The following KIAA0825 variants were observed in gnomAD, a reference collection of about 807,000 sequenced individuals.
KIAA0825 encodes KIAA0825.
Under a neutral mutation model 147.6 loss-of-function variants are expected in KIAA0825, and 119 were observed. That is an observed-to-expected ratio of 0.81 (90% CI 0.69 to 0.94). The LOEUF (loss-of-function observed/expected upper bound fraction) is 0.94. KIAA0825 is among the 40% of genes least tolerant of loss of function. The pLI is 0.00. For synonymous variants in KIAA0825, 470 were observed against 518.1 expected, an observed-to-expected ratio of 0.91 and a Z score of 1.26; for missense variants, 1,381 against 1,472.7, an observed-to-expected ratio of 0.94 and a Z score of 1.02.
chr5:94,555,421 T>C (rs1175047856), intron 2 of KIAA0825, among the ~76,000 whole-genome samples: 1 of 152,184 alleles, frequency 6.6e-6, no homozygotes, highest in Non-Finnish European at 1.5e-5. Context: ...TTCTGATTAC[T>C]ATAATTATGT....
At chr5:94,444,373 T>C (rs189661909) in intron 13 of KIAA0825, among the ~76,000 whole-genome samples, 1 of 152,142 alleles carries the variant, frequency 6.6e-6, no homozygotes, top group Admixed American at 6.6e-5. Flanking sequence ...ACCCTACTTA[T>C]CATGAGGAGC....
intron 14 of KIAA0825, among the ~76,000 whole-genome samples, chr5:94,418,830 A>G (rs1753808458): frequency 6.6e-6 from 1 of 151,924 alleles, no homozygotes; most frequent in African/African-American, 2.4e-5. Context: ...GGATCCAGCA[A>G]TGCCTACATA....
chr5:94,597,259 T>C (rs114562585), intron 1 of KIAA0825, among the ~76,000 whole-genome samples: 1,819 of 152,224 alleles, frequency 0.012, 33 homozygotes, highest in African/African-American at 0.041. Flanking sequence ...AAATAGACCA[T>C]GTACCTAGGT....
chr5:94,193,730 T>C (rs1295418193), intron 20 of KIAA0825, among the ~76,000 whole-genome samples: 3 of 152,168 alleles, frequency 2.0e-5, no homozygotes, highest in Admixed American at 6.5e-5. Context: ...GGCACAGAGA[T>C]GTTGAGTACC....
chr5:94,350,576 T>A (rs912857685), intron 20 of KIAA0825, among the ~76,000 whole-genome samples: 3 of 152,076 alleles, frequency 2.0e-5, no homozygotes, highest in Non-Finnish European at 2.9e-5. Flanking sequence ...AAAAAGATAA[T>A]CCACCATGAT....
chr5:94,592,472 G>A (rs939528013), intron 1 of KIAA0825, among the ~76,000 whole-genome samples: 41 of 152,232 alleles, frequency 2.7e-4, no homozygotes, highest in African/African-American at 9.2e-4. Context: ...GATGTCTCTC[G>A]AGGAAAGGCT....
At chr5:94,475,546 G>A (rs1360679155) in intron 7 of KIAA0825, among the ~76,000 whole-genome samples, 14 of 152,304 alleles carry the variant, frequency 9.2e-5, no homozygotes, top group Non-Finnish European at 1.3e-4. Flanking sequence ...GATGGCTTAC[G>A]CCTATAATCC....
At position 94,473,597 on chromosome 5, in the gene KIAA0825, A is replaced by G. The variant is rs888227807; in HGVS notation, c.1228-78T>C. 5.6e-6 allele frequency: 5 copies of G among 888,234 alleles called. No individual in the cohort carries two copies. In the African/African-American group the frequency reaches 8.5e-5, roughly 15 times the overall value. The allele number at this position is 888,234 out of a possible 1,614,324, so 55.0% of individuals were successfully genotyped here. ...TTTCTATTGTTATAGATATAAAATT[A>G]TTACTTTCATTCAACATGTTGAATA... is the stretch of plus-strand genomic sequence containing the variant. On this transcript the variant is annotated intron_variant, in intron 7 of 20. Transcript: ENST00000682413.
At chr5:94,392,024 A>G (rs1357248662) in intron 17 of KIAA0825, among the ~76,000 whole-genome samples, 1 of 152,222 alleles carries the variant, frequency 6.6e-6, no homozygotes, top group African/African-American at 2.4e-5. Context: ...ATTTCTTTTT[A>G]TGAACATGTA....
intron 2 of KIAA0825, among the ~76,000 whole-genome samples, chr5:94,561,570 C>T (rs1777558155): frequency 6.6e-6 from 1 of 152,176 alleles, no homozygotes; most frequent in Non-Finnish European, 1.5e-5. Flanking sequence ...AATTGTAGGA[C>T]ACCCAGTTGA....
chr5:94,591,975 A>G lies in KIAA0825; in HGVS notation c.-152-9392T>C, dbSNP rs955286011. Reference sequence around the variant, plus strand: ...CACCCCCTTGATTCCATTACCTCCTACTGGGTCCCTCCCATGACATGTGGA... The same window carrying G: ...CACCCCCTTGATTCCATTACCTCCTGCTGGGTCCCTCCCATGACATGTGGA... On this transcript the variant is annotated intron_variant, in intron 1 of 20. Coordinates refer to ENST00000682413, the MANE Select transcript of KIAA0825 (RefSeq NM_001145678.3). Among the ~76,000 whole-genome samples the G allele has an allele frequency of 7.2e-5, 11 of 152,228 alleles. No homozygotes were observed. The East Asian group carries it at 2.1e-3, about 29-fold the overall frequency.
At chr5:94,571,257 C>T (rs942909659) in intron 2 of KIAA0825, among the ~76,000 whole-genome samples, 2 of 152,132 alleles carry the variant, frequency 1.3e-5, no homozygotes, top group Non-Finnish European at 2.9e-5. Flanking sequence ...ATAATATTCA[C>T]AATACTGTCA....
chr5:94,164,549 C>T (rs1188574987), intron 20 of KIAA0825, among the ~76,000 whole-genome samples: 1 of 151,842 alleles, frequency 6.6e-6, no homozygotes, highest in Non-Finnish European at 1.5e-5. Flanking sequence ...GTAGCTGGGA[C>T]TACAGACGCG....
chr5:94,250,858 C>T (rs193287127), intron 20 of KIAA0825, among the ~76,000 whole-genome samples: 13 of 152,122 alleles, frequency 8.5e-5, no homozygotes, highest in Middle Eastern at 3.4e-3. Context: ...AATAGAAGAA[C>T]GTTTGCAATT....
chr5:94,309,393 G>A (rs892387602), intron 20 of KIAA0825, among the ~76,000 whole-genome samples: 21 of 151,740 alleles, frequency 1.4e-4, no homozygotes, highest in Admixed American at 1.3e-3. Flanking sequence ...TCAGGACAGT[G>A]AGGATTACAG....
chr5:94,472,454 T>C (rs970741449), intron 8 of KIAA0825, among the ~76,000 whole-genome samples: 5 of 152,156 alleles, frequency 3.3e-5, no homozygotes, highest in African/African-American at 1.2e-4. Flanking sequence ...CTTTTAAGAA[T>C]ATCCCAATCG....
chr5:94,306,940 T>C (rs971345915), intron 20 of KIAA0825, among the ~76,000 whole-genome samples: 4 of 151,848 alleles, frequency 2.6e-5, no homozygotes, highest in African/African-American at 9.7e-5. Flanking sequence ...TTACCAGGCA[T>C]TCTGGAATAG....
In KIAA0825 at chr5:94,473,498, A is replaced by T. The variant is rs1376400333; in HGVS notation, c.1249T>A (p.Trp417Arg). The change falls in exon 8 of 21, where the codon TGG (tryptophan) becomes AGG (arginine). Residue 417 changes from tryptophan to arginine, a missense_variant. Trp to Arg is a moderately radical substitution (Grantham distance 101). Transcript: ENST00000682413. ...GKEATLLDFG[W>R]RSAFKEVSLP... Reference sequence around the variant, plus strand: ...GACACTTCTTTAAATGCACTTCTCCAGCCAAAATCTAGTAAGGTAGCCTGA... The same window carrying T: ...GACACTTCTTTAAATGCACTTCTCCTGCCAAAATCTAGTAAGGTAGCCTGA... 4 of 1,551,248 alleles carry T rather than the reference A, an allele frequency of 2.6e-6. No homozygotes were observed. The Admixed American group carries it at 7.8e-5, about 30-fold the overall frequency.
intron 20 of KIAA0825, among the ~76,000 whole-genome samples, chr5:94,226,298 A>T (rs1774160116): frequency 1.3e-5 from 2 of 152,292 alleles, no homozygotes; most frequent in South Asian, 4.1e-4. Context: ...AGAAATGCAA[A>T]TCAAAACCAC....
Sources: gnomAD v4.1 joint callset for allele counts (sites outside exome capture counted in the v4.1 genomes callset) on GRCh38, gnomAD v4.1.1 for gene constraint, MANE v1.5 for transcripts, NCBI Gene and HGNC (gene_info 2026-07-23, HGNC 2026-07-21) for gene names.